NRXN3: variants seen among roughly 807,000 people sequenced by gnomAD.
NRXN3 encodes neurexin 3.
Under a neutral mutation model 137.6 loss-of-function variants are expected in NRXN3, and 32 were observed. That is an observed-to-expected ratio of 0.23 (90% CI 0.18 to 0.31). The LOEUF is 0.31. NRXN3 is among the 10% of genes least tolerant of loss of function. NRXN3 has a pLI of 1.00. For missense variants in NRXN3, 1,574 were observed against 2,062.5 expected (o/e 0.76, Z 4.59); for synonymous variants, 798 against 784.5 (o/e 1.02, Z -0.29).
intron 4 of NRXN3, among the ~76,000 whole-genome samples, chr14:78,382,921 T>G (rs1287203222): frequency 6.6e-6 from 1 of 152,110 alleles, no homozygotes; most frequent in Non-Finnish European, 1.5e-5. Context: ...AGTGTGTGTG[T>G]GGGGAGGAGG....
At chr14:79,454,734 A>T (rs180784593) in intron 15 of NRXN3, among the ~76,000 whole-genome samples, 1 of 152,254 alleles carries the variant, frequency 6.6e-6, no homozygotes, top group Non-Finnish European at 1.5e-5. Flanking sequence ...CATATTTAGA[A>T]CATCTTAATT....
intron 15 of NRXN3, among the ~76,000 whole-genome samples, chr14:79,345,411 G>T (rs921900216): frequency 1.3e-5 from 2 of 152,096 alleles, no homozygotes; most frequent in East Asian, 3.9e-4. Flanking sequence ...GTAATGTGGG[G>T]TCACCAGAAA....
intron 15 of NRXN3, among the ~76,000 whole-genome samples, chr14:79,208,727 T>C (rs2067175687): frequency 6.6e-6 from 1 of 152,186 alleles, no homozygotes; most frequent in African/African-American, 2.4e-5. Context: ...ATTTCTATTA[T>C]GACAAAAAAT....
intron 15 of NRXN3, among the ~76,000 whole-genome samples, chr14:79,136,259 T>C (rs369564343): frequency 1.3e-5 from 2 of 152,184 alleles, no homozygotes; most frequent in African/African-American, 4.8e-5. Flanking sequence ...TCGTTCATGT[T>C]CTTTGAAACA....
chr14:79,381,726 C>T (rs1040039325), intron 15 of NRXN3, among the ~76,000 whole-genome samples: 13 of 152,154 alleles, frequency 8.5e-5, no homozygotes, highest in Non-Finnish European at 1.6e-4. Flanking sequence ...AATCACAAGA[C>T]ATAACCTTCC....
At chr14:78,653,738 C>CACACAT (rs1555421264) in intron 6 of NRXN3, among the ~76,000 whole-genome samples, 2 of 151,952 alleles carry the variant, frequency 1.3e-5, no homozygotes, top group Non-Finnish European at 2.9e-5. Context: ...CACACACACA[C>CACACAT]ACACATTTTT....
intron 4 of NRXN3, among the ~76,000 whole-genome samples, chr14:78,531,042 T>C (rs999196165): frequency 1.9e-4 from 29 of 152,322 alleles, no homozygotes; most frequent in African/African-American, 6.5e-4. Context: ...TAATCTTTGA[T>C]GCCTTTCCTT....
chr14:78,387,909 T>A (rs190109285), intron 4 of NRXN3, among the ~76,000 whole-genome samples: 40 of 152,328 alleles, frequency 2.6e-4, no homozygotes, highest in African/African-American at 9.6e-4. Flanking sequence ...TTGGACCACA[T>A]GGTGGCTCTG....
chr14:79,530,508 CA>C (rs1021133123), intron 16 of NRXN3, among the ~76,000 whole-genome samples: 2 of 151,786 alleles, frequency 1.3e-5, no homozygotes, highest in African/African-American at 4.8e-5. Context: ...TTTTCTGTAC[CA>C]TCTCTATATG....
intron 16 of NRXN3, among the ~76,000 whole-genome samples, chr14:79,502,322 G>A (rs889286773): frequency 6.6e-6 from 1 of 152,158 alleles, no homozygotes; most frequent in African/African-American, 2.4e-5. Context: ...CCTAAGAAGT[G>A]CAGACAGAGG....
At chr14:78,391,830 A>G (rs993775694) in intron 4 of NRXN3, among the ~76,000 whole-genome samples, 1 of 152,194 alleles carries the variant, frequency 6.6e-6, no homozygotes, top group African/African-American at 2.4e-5. Flanking sequence ...ATTCTCCCAT[A>G]AAGAACTATT....
At chr14:79,035,696 G>A (rs912130231) in intron 15 of NRXN3, among the ~76,000 whole-genome samples, 3 of 152,056 alleles carry the variant, frequency 2.0e-5, no homozygotes, top group Non-Finnish European at 4.4e-5. Context: ...AGTGGAACAA[G>A]TGTGTGTGAA....
chr14:79,175,191 A>C (rs2062202089), intron 15 of NRXN3, among the ~76,000 whole-genome samples: 1 of 152,280 alleles, frequency 6.6e-6, no homozygotes, highest in African/African-American at 2.4e-5. Flanking sequence ...TGTGTTAGCC[A>C]GGATGCTCTC....
At chr14:79,192,061 G>A (rs922433385) in intron 15 of NRXN3, among the ~76,000 whole-genome samples, 14 of 152,052 alleles carry the variant, frequency 9.2e-5, no homozygotes, top group Admixed American at 7.2e-4. Flanking sequence ...GCTAATATTT[G>A]TATTTTTAGC....
chr14:79,741,817 C>T (rs2154080532), intron 19 of NRXN3, among the ~76,000 whole-genome samples: 1 of 152,002 alleles, frequency 6.6e-6, no homozygotes, highest in East Asian at 1.9e-4. Flanking sequence ...CACACACACA[C>T]ACACACACAC....
chr14:79,601,509 C>T (rs1283345947), intron 16 of NRXN3, among the ~76,000 whole-genome samples: 2 of 152,134 alleles, frequency 1.3e-5, no homozygotes, highest in African/African-American at 4.8e-5. Context: ...ATTTGAACTT[C>T]CTCCCTCTTT....
At chr14:79,695,182 T>C (rs2098731051) in intron 18 of NRXN3, among the ~76,000 whole-genome samples, 2 of 150,212 alleles carry the variant, frequency 1.3e-5, no homozygotes, top group Admixed American at 1.3e-4. Context: ...AGACTCATCA[T>C]CTCTAGCCAG....
intron 4 of NRXN3, among the ~76,000 whole-genome samples, chr14:78,549,902 C>T (rs941979234): frequency 7.2e-5 from 11 of 152,150 alleles, no homozygotes; most frequent in African/African-American, 2.2e-4. Context: ...GAACATCAAG[C>T]TCCTCCCACT....
rs1272226229 is a variant in NRXN3, at chr14:78,449,449, A to C, written c.757+151589A>C. Among the ~76,000 whole-genome samples, 8 of 152,294 alleles carry C rather than the reference A, an allele frequency of 5.3e-5. No individual in the cohort carries two copies. The South Asian group carries it at 1.0e-3, about 20-fold the overall frequency. ...GGCTGGTCTTGAACTCCTGGCCCCA[A>C]GTGATCCACCTGCCTTGGCCTCCCA... On this transcript the variant is annotated intron_variant, in intron 4 of 20. Transcript: ENST00000335750.
Sources: gnomAD v4.1 joint callset for allele counts (sites outside exome capture counted in the v4.1 genomes callset) on GRCh38, gnomAD v4.1.1 for gene constraint, MANE v1.5 for transcripts, NCBI Gene and HGNC (gene_info 2026-07-23, HGNC 2026-07-21) for gene names.